Variants in KCNJ5 observed in about 807,000 individuals in gnomAD.
KCNJ5 encodes G protein-activated inward rectifier potassium channel 4.
A neutral mutation model predicts 20.2 loss-of-function variants in KCNJ5; 12 were observed. The ratio of observed to expected loss-of-function variants is 0.59; its 90% CI spans 0.38 to 0.96. KCNJ5 has a LOEUF of 0.96. Ranked by LOEUF, KCNJ5 falls within the 40% of genes least tolerant of loss-of-function variation. The pLI, the probability that KCNJ5 is intolerant of heterozygous loss-of-function variation, is 0.00. For missense variants in KCNJ5, 449 were observed against 557.6 expected (o/e 0.81, Z 1.96); for synonymous variants, 210 against 213.9 (o/e 0.98, Z 0.16).
rs1160699929 is a variant in KCNJ5, at chr11:128,891,441, C to CACACACACAGAGAGAGAG, written c.-290_-289insCACACACAGAGAGAGAGA. 1.8e-5 allele frequency: 1 copy of CACACACACAGAGAGAGAG among 54,924 alleles called. No homozygotes were observed. Among genetic ancestry groups the CACACACACAGAGAGAGAG allele is most frequent in the Non-Finnish European group, 3.4e-5 (1 of 29,498 alleles). 3.4% of individuals were successfully genotyped at this position (54,924 alleles called of 1,614,324 possible). On this transcript the variant is annotated 5_prime_UTR_variant, in exon 1 of 3. Coordinates refer to ENST00000529694, the MANE Select transcript of KCNJ5 (RefSeq NM_000890.5). ...ACACACACACACACACACACACACA[C>CACACACACAGAGAGAGAG]AGAGAGAGAGAGAGAGAGAGAGAGA...
chr11:128,915,746 G>A (rs11221512), intron 2 of KCNJ5, among the ~76,000 whole-genome samples: 13,131 of 152,272 alleles, frequency 0.086, 681 homozygotes, highest in East Asian at 0.23. Flanking sequence ...TGAAATGCTT[G>A]ATGAGTGATT....
rs74645270 is a variant in KCNJ5 at position 128,908,316 on chromosome 11, G to A, written c.-10-2948G>A. 7.9e-3 allele frequency among the ~76,000 whole-genome samples: 1,210 copies of A among 152,328 alleles called. 15 individuals are homozygous for A. Among genetic ancestry groups the A allele is most frequent in the African/African-American group, 0.027 (1,136 of 41,568 alleles). On this transcript the variant is annotated intron_variant, in intron 1 of 2. Coordinates refer to ENST00000529694, the MANE Select transcript of KCNJ5 (RefSeq NM_000890.5). ...CCTACAATTGGCTCCCAGGGCTGGA[G>A]GAGCAGAGGATATTATCTGGGATTT...
In KCNJ5 at chr11:128,911,298, A is replaced by G; in HGVS notation, c.25A>G (p.Met9Val). ...TATGGCTGGCGATTCTAGGAATGCCATGAACCAGGACATGGAGATTGGAGT... is the reference window on the plus strand; with the variant it reads ...TATGGCTGGCGATTCTAGGAATGCCGTGAACCAGGACATGGAGATTGGAGT... The part of the protein sequence containing the change: MAGDSRNA[M>V]NQDMEIGVTP... Residue 9 changes from methionine (M) to valine (V), a missense_variant, in exon 2 of 3, where the codon ATG (methionine) becomes GTG (valine). Coordinates refer to ENST00000529694, the MANE Select transcript of KCNJ5 (RefSeq NM_000890.5). This position sits in a 1 kb window ranked among gnomAD's most constrained non-coding sequence, Gnocchi z 6.3. The G allele has an allele frequency of 6.2e-7, 1 of 1,614,180 alleles. No individual in the cohort carries two copies. Among genetic ancestry groups the G allele is most frequent in the Non-Finnish European group, 8.5e-7 (1 of 1,180,050 alleles).
Position 128,911,603 on chromosome 11 carries a change from C to T in KCNJ5, c.330C>T (p.Leu110=), listed in dbSNP as rs762272154. The part of the protein sequence containing the change: ...TWLFFGFIWW[L]IAYIRGDLDH... ...TGTTCTTCGGCTTCATTTGGTGGCT[C>T]ATTGCTTATATCCGGGGTGACCTGG... Residue 110 remains leucine (L), a synonymous_variant, in exon 2 of 3, where the codon CTC becomes CTT. Transcript: ENST00000529694. This position sits in a 1 kb window ranked among gnomAD's most constrained non-coding sequence, Gnocchi z 6.3. 3.7e-6 allele frequency: 6 copies of T among 1,614,188 alleles called. No individual in the cohort carries two copies. Among genetic ancestry groups the T allele is most frequent in the East Asian group, 2.2e-5 (1 of 44,874 alleles).
In KCNJ5 at chr11:128,919,944, C is replaced by T. The variant is rs889379473; in HGVS notation, c.*3213C>T. 6.6e-6 allele frequency: 1 copy of T among 152,246 alleles called. No individual in the cohort carries two copies. The highest frequency in any genetic ancestry group is 1.5e-5 in the Non-Finnish European group (1 of 68,068). The allele number at this position is 152,246 out of a possible 1,614,324, so 9.4% of individuals were successfully genotyped here. On this transcript the variant is annotated 3_prime_UTR_variant, in exon 3 of 3. Transcript: ENST00000529694. The stretch of plus-strand genomic sequence containing the variant: ...TCTGATGGACCCCAGAGAGCTGAGC[C>T]GTGGTTTAAGATGGGGTCATGCGCT...
At chr11:128,914,346 G>A (rs370695130) in intron 2 of KCNJ5, among the ~76,000 whole-genome samples, 172 of 152,262 alleles carry the variant, frequency 1.1e-3, no homozygotes, top group Middle Eastern at 6.8e-3. Flanking sequence ...CCGCTGCCCC[G>A]CTGCACCCCC....
At chr11:128,894,617 T>C (rs925638875) in intron 1 of KCNJ5, among the ~76,000 whole-genome samples, 1 of 152,232 alleles carries the variant, frequency 6.6e-6, no homozygotes, top group Non-Finnish European at 1.5e-5. Flanking sequence ...CAAAAGATTG[T>C]AGTGAGGTAT....
At position 128,911,415 on chromosome 11, in the gene KCNJ5, A is replaced by T. The variant is rs1303727981; in HGVS notation, c.142A>T (p.Lys48Ter). The change falls in exon 2 of 3, where the codon AAG becomes TAG. Residue 48 changes from lysine to a stop codon, truncating the protein, a stop_gained. Coordinates refer to ENST00000529694, the MANE Select transcript of KCNJ5 (RefSeq NM_000890.5). LOFTEE classifies it high-confidence loss of function. The surrounding 1 kb of genome is among the most constrained non-coding windows in gnomAD (Gnocchi z 6.3). ...TACGCGCCTGCTGGCCGAGGGCAAG[A>T]AGCCACGCCAGCGCTACATGGAGAA... The part of the protein sequence containing the change: ...DRTRLLAEGK[K>*]PRQRYMEKSG... 2 of 1,614,114 alleles carry T rather than the reference A, an allele frequency of 1.2e-6. No homozygotes were observed. Among genetic ancestry groups the T allele is most frequent in the Non-Finnish European group, 1.7e-6 (2 of 1,180,050 alleles).
chr11:128,895,653 G>A (rs570618807), intron 1 of KCNJ5, among the ~76,000 whole-genome samples: 122 of 152,378 alleles, frequency 8.0e-4, no homozygotes, highest in Non-Finnish European at 1.4e-3. Context: ...ACCTTGTGTA[G>A]GCACCTGAGC....
chr11:128,898,014 C>T (rs1036997898), intron 1 of KCNJ5, among the ~76,000 whole-genome samples: 5 of 152,204 alleles, frequency 3.3e-5, no homozygotes, highest in African/African-American at 1.2e-4. Context: ...ATGTGTCTAT[C>T]CTTCTGCCAA....
intron 1 of KCNJ5, among the ~76,000 whole-genome samples, chr11:128,894,787 C>G (rs1591436993): frequency 6.6e-6 from 1 of 152,354 alleles, no homozygotes; most frequent in East Asian, 1.9e-4. Context: ...GCAGCAGCAG[C>G]TTATCTAGTT....
intron 2 of KCNJ5, among the ~76,000 whole-genome samples, chr11:128,915,453 C>T (rs544134727): frequency 1.2e-4 from 19 of 152,350 alleles, no homozygotes; most frequent in South Asian, 6.2e-4. Context: ...TTCCAAATGC[C>T]TGTCAGATTC....
Position 128,917,113 on chromosome 11 carries a change from T to G in KCNJ5, c.*382T>G. 4 of 172,102 alleles carry G rather than the reference T, an allele frequency of 2.3e-5. No individual in the cohort carries two copies. Among genetic ancestry groups the G allele is most frequent in the Non-Finnish European group, 5.0e-5 (4 of 80,794 alleles). The allele number at this position is 172,102 out of a possible 1,614,324, so 10.7% of individuals were successfully genotyped here. A position where few individuals can be genotyped will look rare whatever the true frequency, so the allele number is the denominator to read the frequency against. On this transcript the variant is annotated 3_prime_UTR_variant, in exon 3 of 3. Transcript: ENST00000529694. ...GAGAGAACCATCACCTTGTCCCTCA[T>G]TCCTTCCACCCTGAGGCTTGCTGTG...
chr11:128,894,224 A>G (rs532112199), intron 1 of KCNJ5, among the ~76,000 whole-genome samples: 1 of 151,076 alleles, frequency 6.6e-6, no homozygotes, highest in African/African-American at 2.4e-5. Flanking sequence ...TCATTTGGTC[A>G]CCTATCATGT....
intron 1 of KCNJ5, among the ~76,000 whole-genome samples, chr11:128,895,382 ACCC>A (rs59889127): frequency 2.1e-5 from 3 of 141,310 alleles, no homozygotes; most frequent in Non-Finnish European, 3.1e-5. Context: ...GTGTGCCCCC[ACCC>A]CCCCCCCAAC....
At position 128,912,147 on chromosome 11, in the gene KCNJ5, G is replaced by T; in HGVS notation, c.874G>T (p.Ala292Ser). The T allele has an allele frequency of 6.2e-7, 1 of 1,611,608 alleles. No homozygotes were observed. Among genetic ancestry groups the T allele is most frequent in the Non-Finnish European group, 8.5e-7 (1 of 1,180,004 alleles). The change falls in exon 2 of 3, where the codon GCT becomes TCT. Residue 292 changes from alanine (A) to serine (S), a missense_variant. Transcript: ENST00000529694. ...GAGCCCTTTCTGGGAGATGTCTCAG[G>T]CTCAGCTGCATCAGGAAGAGTTTGA... ...QKSPFWEMSQ[A>S]QLHQEEFEVV...
At chr11:128,898,387 C>T (rs111770295) in intron 1 of KCNJ5, among the ~76,000 whole-genome samples, 7 of 152,338 alleles carry the variant, frequency 4.6e-5, no homozygotes, top group African/African-American at 1.7e-4. Context: ...AATTGTGTCG[C>T]CTTGGACATT....
At chr11:128,892,384 C>T (rs537088530) in intron 1 of KCNJ5, among the ~76,000 whole-genome samples, 2 of 152,280 alleles carry the variant, frequency 1.3e-5, no homozygotes, top group African/African-American at 4.8e-5. Flanking sequence ...GCTGTTGGCC[C>T]CCTGGTTTTA....
chr11:128,903,428 T>A (rs373451837), intron 1 of KCNJ5: 3 of 1,614,150 alleles, frequency 1.9e-6, no homozygotes, highest in Admixed American at 1.7e-5. Flanking sequence ...CAGGTTCTGG[T>A]TACTATGGCA....
Sources: gnomAD v4.1 joint callset for allele counts (sites outside exome capture counted in the v4.1 genomes callset) on GRCh38, gnomAD v4.1.1 for gene constraint, Gnocchi (gnomAD v3.1) non-coding constraint, MANE v1.5 for transcripts, NCBI Gene and HGNC (gene_info 2026-07-23, HGNC 2026-07-21) for gene names.